Variants in PGAP4 observed in about 807,000 individuals in gnomAD.
PGAP4 encodes GPI-N-acetylgalactosamine transferase PGAP4.
A neutral mutation model predicts 28.2 loss-of-function variants in PGAP4; 12 were observed. The ratio of observed to expected loss-of-function variants is 0.42; its 90% CI spans 0.27 to 0.69. The LOEUF is 0.69. Ranked by LOEUF, PGAP4 falls within the 30% of genes least tolerant of loss-of-function variation. The pLI is 0.22. For missense variants in PGAP4, 425 were observed against 513.5 expected, an observed-to-expected ratio of 0.83 and a Z score of 1.67; for synonymous variants, 205 against 211.8, an observed-to-expected ratio of 0.97 and a Z score of 0.28.
chr9:101,478,516 G>GTCTC (rs946246599), intron 1 of PGAP4, among the ~76,000 whole-genome samples: 2 of 152,194 alleles, frequency 1.3e-5, no homozygotes, highest in Non-Finnish European at 2.9e-5. Flanking sequence ...CATATCCATG[G>GTCTC]TCTCCCCTTG....
intron 2 of PGAP4, among the ~76,000 whole-genome samples, chr9:101,516,403 G>A (rs540540076): frequency 6.6e-6 from 1 of 152,236 alleles, no homozygotes; most frequent in Middle Eastern, 3.4e-3. Flanking sequence ...GCTAATTTCT[G>A]AAATGGTGAA....
intron 1 of PGAP4, among the ~76,000 whole-genome samples, chr9:101,531,811 C>G (rs1044070812): frequency 1.3e-5 from 2 of 152,152 alleles, no homozygotes; most frequent in Admixed American, 1.3e-4. Context: ...CAATAATGTC[C>G]ACCAGACACT....
intron 2 of PGAP4, among the ~76,000 whole-genome samples, chr9:101,493,971 A>G (rs1826714268): frequency 6.6e-6 from 1 of 152,080 alleles, no homozygotes. Context: ...TAACAGGTGT[A>G]TCATAGGGTT....
upstream of PGAP4, among the ~76,000 whole-genome samples, chr9:101,488,176 C>T (rs1470487003): frequency 6.6e-6 from 1 of 152,174 alleles, no homozygotes; most frequent in Admixed American, 6.5e-5. Flanking sequence ...TGACATACTG[C>T]CATCACTATA....
chr9:101,497,836 A>G (rs190459966), intron 2 of PGAP4, among the ~76,000 whole-genome samples: 2 of 151,780 alleles, frequency 1.3e-5, no homozygotes, highest in South Asian at 2.1e-4. Flanking sequence ...AGATTTTGCC[A>G]TGTAGACACA....
At chr9:101,498,544 T>G (rs1007517630) in intron 2 of PGAP4, among the ~76,000 whole-genome samples, 28 of 151,714 alleles carry the variant, frequency 1.8e-4, no homozygotes, top group African/African-American at 4.8e-4. Flanking sequence ...AGCAGTGAGA[T>G]AGCAGTGAGT....
At chr9:101,520,445 CTAAGTA>C (rs1211695894) in intron 2 of PGAP4, among the ~76,000 whole-genome samples, 1 of 152,044 alleles carries the variant, frequency 6.6e-6, no homozygotes. Context: ...AAGTATATTT[CTAAGTA>C]TTTTATTTTA....
intron 2 of PGAP4, among the ~76,000 whole-genome samples, chr9:101,516,126 A>C (rs1253162042): frequency 3.9e-5 from 6 of 152,158 alleles, no homozygotes; most frequent in Admixed American, 3.9e-4. Flanking sequence ...TCTTTACTTC[A>C]TATAAATTAT....
chr9:101,478,501 G>A (rs1304735248), intron 1 of PGAP4, among the ~76,000 whole-genome samples: 1 of 152,218 alleles, frequency 6.6e-6, no homozygotes, highest in Non-Finnish European at 1.5e-5. Context: ...CTCAGCCAGT[G>A]CTCTCATATC....
intron 2 of PGAP4, among the ~76,000 whole-genome samples, chr9:101,495,159 ATTT>A (rs1826728197): frequency 4.3e-5 from 4 of 92,664 alleles, no homozygotes; most frequent in Admixed American, 3.3e-4. Flanking sequence ...TATATTATAT[ATTT>A]TATATATATT....
chr9:101,489,576 C>T (rs1426407272), upstream of PGAP4, among the ~76,000 whole-genome samples: 1 of 152,178 alleles, frequency 6.6e-6, no homozygotes, highest in Non-Finnish European at 1.5e-5. Context: ...TGGAATGAGG[C>T]AGTGAACCTA....
At chr9:101,495,557 T>G (rs1401124829) in intron 2 of PGAP4, among the ~76,000 whole-genome samples, 1 of 146,404 alleles carries the variant, frequency 6.8e-6, no homozygotes, top group Non-Finnish European at 1.5e-5. Flanking sequence ...ATTTTGAACC[T>G]AGGGAAACCT....
intron 2 of PGAP4, among the ~76,000 whole-genome samples, chr9:101,503,534 T>C (rs1826821965): frequency 6.6e-6 from 1 of 152,078 alleles, no homozygotes; most frequent in South Asian, 2.1e-4. Flanking sequence ...TTTATATGAT[T>C]ATTGTTATGC....
Position 101,476,314 on chromosome 9 carries a change from A to G in PGAP4, c.779T>C (p.Met260Thr), listed in dbSNP as rs891808557. The G allele has an allele frequency of 6.2e-7, 1 of 1,614,034 alleles. No homozygotes were observed. Among genetic ancestry groups the G allele is most frequent in the Non-Finnish European group, 8.5e-7 (1 of 1,179,996 alleles). Residue 260 changes from methionine (M) to threonine (T), a missense_variant, in exon 2 of 2, where the codon ATG (methionine) becomes ACG (threonine). By Grantham distance (81) the Met-to-Thr change is moderately conservative. Transcript: ENST00000374848. The surrounding 1 kb of genome is among the most constrained non-coding windows in gnomAD (Gnocchi z 7.0). ...TACACCAACCCATTCCAGGATCCGC[A>G]TGGGCTCTGGATTGATGTAGTGCTG... ...RLQHYINPEP[M>T]RILEWVGVGM...
At position 101,475,809 on chromosome 9, in the gene PGAP4, A is replaced by G; in HGVS notation, c.*72T>C. On this transcript the variant is annotated 3_prime_UTR_variant, in exon 2 of 2. Coordinates refer to ENST00000374848, the MANE Select transcript of PGAP4 (RefSeq NM_032342.3). ...AACAGTGAAATACCTGCAGGCAACC[A>G]TGTCTAAATAAAGAGATAAATATTT... 6.8e-7 allele frequency: 1 copy of G among 1,467,210 alleles called. No individual in the cohort carries two copies. The highest frequency in any genetic ancestry group is 9.3e-7 in the Non-Finnish European group (1 of 1,075,170). 90.9% of individuals were successfully genotyped at this position (1,467,210 alleles called of 1,614,324 possible).
Position 101,502,092 on chromosome 9 carries a change from G to T in PGAP4, c.-164-12892C>A, listed in dbSNP as rs376211270. On this transcript the variant is annotated intron_variant, in intron 2 of 3. Transcript: ENST00000374851. ...TTCAAAAATACCAAACACATCTCAG[G>T]GTAGGTCATTTCCTGTGGTCCCCAG... Among the ~76,000 whole-genome samples the T allele has an allele frequency of 2.0e-5, 3 of 152,108 alleles. No individual in the cohort carries two copies. In the East Asian group the frequency reaches 5.8e-4, roughly 29 times the overall value.
At chr9:101,503,757 C>T (rs1826823828) in intron 2 of PGAP4, among the ~76,000 whole-genome samples, 1 of 151,920 alleles carries the variant, frequency 6.6e-6, no homozygotes, top group South Asian at 2.1e-4. Flanking sequence ...TCTGGAAATC[C>T]CCCTTTTTGA....
chr9:101,495,925 C>G (rs1255546545), intron 2 of PGAP4, among the ~76,000 whole-genome samples: 1 of 151,106 alleles, frequency 6.6e-6, no homozygotes, highest in Non-Finnish European at 1.5e-5. Context: ...ACTGGAAAGT[C>G]AAATCTGAGG....
intron 2 of PGAP4, among the ~76,000 whole-genome samples, chr9:101,511,619 G>A (rs1407869): frequency 0.15 from 22,656 of 152,054 alleles, 2,109 homozygotes; most frequent in African/African-American, 0.25. Context: ...TATCCATAAT[G>A]GTATTGGTAA....
Sources: allele counts gnomAD v4.1 joint callset (sites outside exome capture counted in the v4.1 genomes callset), GRCh38; gene constraint gnomAD v4.1.1; non-coding constraint Gnocchi (gnomAD v3.1); transcripts MANE v1.5; gene names NCBI Gene and HGNC (gene_info 2026-07-23, HGNC 2026-07-21).